The following AOAH variants were observed in gnomAD, a reference collection of about 807,000 sequenced individuals.
AOAH encodes acyloxyacyl hydrolase.
A neutral mutation model predicts 92.2 loss-of-function variants in AOAH; 64 were observed. That is an observed-to-expected ratio of 0.69 (90% CI 0.57 to 0.86). The LOEUF (loss-of-function observed/expected upper bound fraction) is 0.86. Among genes scored for constraint, AOAH ranks in the 40% least tolerant of loss-of-function variants. AOAH has a pLI of 0.00. For synonymous variants in AOAH, 263 were observed against 254.5 expected (o/e 1.03, Z -0.32); for missense variants, 656 against 694.6 (o/e 0.94, Z 0.62).
At chr7:36,669,927 G>A (rs1316802876) in intron 3 of AOAH, among the ~76,000 whole-genome samples, 1 of 152,218 alleles carries the variant, frequency 6.6e-6, no homozygotes, top group East Asian at 1.9e-4. Flanking sequence ...CAGGAATGGA[G>A]AGAGCAATGG....
At chr7:36,524,293 A>G (rs1352298988) in intron 19 of AOAH, among the ~76,000 whole-genome samples, 1 of 152,054 alleles carries the variant, frequency 6.6e-6, no homozygotes, top group Non-Finnish European at 1.5e-5. Flanking sequence ...AATCCGCAGT[A>G]TGATGGCATA....
intron 13 of AOAH, among the ~76,000 whole-genome samples, chr7:36,557,974 T>C (rs900487337): frequency 1.0e-3 from 158 of 152,364 alleles, no homozygotes; most frequent in African/African-American, 3.7e-3. Context: ...TGAAGCCTTC[T>C]TCTCTCAACT....
chr7:36,552,250 T>C (rs765121010), intron 13 of AOAH, among the ~76,000 whole-genome samples: 4 of 152,134 alleles, frequency 2.6e-5, no homozygotes, highest in Non-Finnish European at 4.4e-5. Flanking sequence ...TGAGAACATA[T>C]GATGTTTGGT....
intron 12 of AOAH, among the ~76,000 whole-genome samples, chr7:36,581,397 A>C (rs1562590226): frequency 6.6e-6 from 1 of 152,088 alleles, no homozygotes; most frequent in East Asian, 1.9e-4. Context: ...TTCAAGGGAG[A>C]GATGTAAGTG....
intron 13 of AOAH, among the ~76,000 whole-genome samples, chr7:36,554,891 C>T (rs1164840337): frequency 2.0e-5 from 3 of 148,900 alleles, no homozygotes; most frequent in Non-Finnish European, 4.5e-5. Flanking sequence ...TGGGCTGAGA[C>T]AATGGGGTTT....
In AOAH at chr7:36,627,815, G is replaced by T. The variant is rs560396974; in HGVS notation, c.521+4221C>A. Among the ~76,000 whole-genome samples, 9 of 149,470 alleles carry T rather than the reference G, an allele frequency of 6.0e-5. No individual in the cohort carries two copies. In the South Asian group the frequency reaches 1.9e-3, roughly 32 times the overall value. ...CCTGCCACCAGATATCAGGTGAGTCGGCTTGATCCAGGGAGCAATTGTAAC... is the reference window on the plus strand; with the variant it reads ...CCTGCCACCAGATATCAGGTGAGTCTGCTTGATCCAGGGAGCAATTGTAAC... On this transcript the variant is annotated intron_variant, in intron 6 of 20. Coordinates refer to ENST00000617537, the MANE Select transcript of AOAH (RefSeq NM_001637.4).
rs560792507 is a variant in AOAH at position 36,724,430 on chromosome 7, A to G, written c.-282T>C. 2.7e-5 allele frequency: 8 copies of G among 296,618 alleles called. No homozygotes were observed. In the East Asian group the frequency reaches 4.9e-4, roughly 18 times the overall value. The allele number at this position is 296,618 out of a possible 1,614,324, so 18.4% of individuals were successfully genotyped here. A position where few individuals can be genotyped will look rare whatever the true frequency, so the allele number is the denominator to read the frequency against. On this transcript the variant is annotated 5_prime_UTR_variant, in exon 1 of 21. Transcript: ENST00000617537. Reference sequence around the variant, plus strand: ...TGTGGTGTGCGGTTCTGCTGAGGTAAAGACTGCAGGATAAAGAAAACCCAA... The same window carrying G: ...TGTGGTGTGCGGTTCTGCTGAGGTAGAGACTGCAGGATAAAGAAAACCCAA...
rs1783741788 is a variant in AOAH, at chr7:36,516,744, T to A, written c.1600-3364A>T. Among the ~76,000 whole-genome samples, 1 of 152,222 alleles carries A rather than the reference T, an allele frequency of 6.6e-6. No homozygotes were observed. The highest frequency in any genetic ancestry group is 2.1e-4 in the South Asian group (1 of 4,832). Reference sequence around the variant, plus strand: ...TTTGTGTTATTGGCTTTCAACTTGATACACCTAAGCTCTTTCTAACAATTA... The same window carrying A: ...TTTGTGTTATTGGCTTTCAACTTGAAACACCTAAGCTCTTTCTAACAATTA... On this transcript the variant is annotated intron_variant, in intron 20 of 20. Transcript: ENST00000617537. This position sits in a 1 kb window ranked among gnomAD's most constrained non-coding sequence, Gnocchi z 5.0.
At chr7:36,515,728 A>C in intron 20 of AOAH, among the ~76,000 whole-genome samples, 3 of 89,762 alleles carry the variant, frequency 3.3e-5, no homozygotes, top group Admixed American at 2.5e-4. Flanking sequence ...ACACACCAAC[A>C]CCACACACAC....
At chr7:36,582,696 T>G (rs1789018427) in intron 12 of AOAH, among the ~76,000 whole-genome samples, 1 of 152,180 alleles carries the variant, frequency 6.6e-6, no homozygotes, top group African/African-American at 2.4e-5. Context: ...TGGCCTCCCA[T>G]GTTGACTCAA....
At chr7:36,678,594 TGTGTGTGCGCGC>T (rs1796425975) in intron 2 of AOAH, among the ~76,000 whole-genome samples, 1 of 138,982 alleles carries the variant, frequency 7.2e-6, no homozygotes, top group Admixed American at 7.0e-5. Context: ...TGTGTGTGTG[TGTGTGTGCGCGC>T]GCGCGCGCGT....
intron 3 of AOAH, among the ~76,000 whole-genome samples, chr7:36,665,863 G>A (rs1303525753): frequency 2.0e-5 from 3 of 151,998 alleles, no homozygotes; most frequent in East Asian, 3.8e-4. Flanking sequence ...TTTGATTTTT[G>A]AATGTTGAAC....
intron 12 of AOAH, among the ~76,000 whole-genome samples, chr7:36,587,271 C>CAAAAA (rs57475443): frequency 2.9e-4 from 25 of 84,790 alleles, no homozygotes; most frequent in East Asian, 6.6e-4. Context: ...GACTCCGTCT[C>CAAAAA]AAAAAAAAAA....
chr7:36,641,931 G>T (rs563743736), intron 4 of AOAH, among the ~76,000 whole-genome samples: 3 of 152,220 alleles, frequency 2.0e-5, no homozygotes, highest in South Asian at 2.1e-4. Flanking sequence ...TAGCCACGGT[G>T]GCTCACTAAA....
At chr7:36,562,629 A>G (rs1480159767) in intron 13 of AOAH, among the ~76,000 whole-genome samples, 1 of 152,210 alleles carries the variant, frequency 6.6e-6, no homozygotes, top group Non-Finnish European at 1.5e-5. Flanking sequence ...AAGGTTTCAC[A>G]TAATCCCAGC....
intron 3 of AOAH, among the ~76,000 whole-genome samples, chr7:36,664,075 G>T (rs887474164): frequency 6.6e-6 from 1 of 151,524 alleles, no homozygotes; most frequent in African/African-American, 2.4e-5. Flanking sequence ...GTTGTTTGTC[G>T]TTGAGTTTTA....
At position 36,616,565 on chromosome 7, in the gene AOAH, G is replaced by T. The variant is rs185614228; in HGVS notation, c.752-91C>A. On this transcript the variant is annotated intron_variant, in intron 10 of 20. Transcript: ENST00000617537. ...GATATAAGAGCGGATACCCTAGTGT[G>T]TATTCCAGGCACCGAGCATTTTCAC... 49 of 1,017,600 alleles carry T rather than the reference G, an allele frequency of 4.8e-5. No individual in the cohort carries two copies. The East Asian group carries it at 1.2e-3, about 24-fold the overall frequency. 63.0% of individuals were successfully genotyped at this position (1,017,600 alleles called of 1,614,324 possible).
intron 13 of AOAH, among the ~76,000 whole-genome samples, chr7:36,556,002 T>C (rs1450283920): frequency 6.6e-6 from 1 of 152,214 alleles, no homozygotes. Flanking sequence ...GCTCTGATTT[T>C]AGTTATTTCT....
intron 5 of AOAH, among the ~76,000 whole-genome samples, chr7:36,636,666 G>A (rs1029003623): frequency 2.0e-5 from 3 of 152,154 alleles, no homozygotes; most frequent in Non-Finnish European, 4.4e-5. Flanking sequence ...ATGTAGAAAT[G>A]CCTACATATT....
Sources: gnomAD v4.1 joint callset for allele counts (sites outside exome capture counted in the v4.1 genomes callset) on GRCh38, gnomAD v4.1.1 for gene constraint, Gnocchi (gnomAD v3.1) non-coding constraint, MANE v1.5 for transcripts, NCBI Gene and HGNC (gene_info 2026-07-23, HGNC 2026-07-21) for gene names.